Variants in SLC28A1 observed in about 807,000 individuals in gnomAD.
SLC28A1 encodes solute carrier family 28 member 1.
A neutral mutation model predicts 74.8 loss-of-function variants in SLC28A1; 64 were observed. The ratio of observed to expected loss-of-function variants is 0.86; its 90% confidence interval spans 0.70 to 1.05. SLC28A1 has a LOEUF of 1.05. Among genes scored for constraint, SLC28A1 ranks in the 50% least tolerant of loss-of-function variants. SLC28A1 has a pLI of 0.00. For missense variants in SLC28A1, 828 were observed against 822.8 expected (o/e 1.01, Z -0.08); for synonymous variants, 359 against 335.0 (o/e 1.07, Z -0.78).
At chr15:84,968,839 A>T in the SLC28A1 span, among the ~76,000 whole-genome samples, 2 of 152,212 alleles carry the variant, frequency 1.3e-5, no homozygotes, top group East Asian at 3.9e-4. Context: ...AGGTAGCCAG[A>T]GTCAGATTGT....
chr15:84,912,638 C>T (rs1168782726), intron 9 of SLC28A1, among the ~76,000 whole-genome samples: 1 of 152,078 alleles, frequency 6.6e-6, no homozygotes, highest in Non-Finnish European at 1.5e-5. Flanking sequence ...CACTATTGTT[C>T]TAGCCTCTGG....
intron 15 of SLC28A1, 107 bp downstream of exon 15, chr15:84,935,625 C>A: frequency 5.4e-6 from 5 of 932,822 alleles, no homozygotes; most frequent in East Asian, 2.4e-5. Context: ...CTGAGACACA[C>A]TGAAGTGGTG....
chr15:84,900,422 A>AAG (rs1966550651), intron 6 of SLC28A1, among the ~76,000 whole-genome samples: 1 of 122,514 alleles, frequency 8.2e-6, no homozygotes, highest in Non-Finnish European at 1.8e-5. Flanking sequence ...AAAAAAAAAA[A>AAG]AAGAAGAAGA....
chr15:84,932,332 A>G (rs969403165), intron 12 of SLC28A1, among the ~76,000 whole-genome samples: 7 of 152,198 alleles, frequency 4.6e-5, no homozygotes, highest in African/African-American at 1.7e-4. Context: ...TTCTCTGTGG[A>G]AAAGAACAGA....
In SLC28A1 at chr15:84,908,768, G is replaced by A. The variant is rs760508440; in HGVS notation, c.768G>A (p.Ala256=). Residue 256 remains alanine (A), a synonymous_variant, in exon 9 of 19, where the codon GCG becomes GCA. Coordinates refer to ENST00000394573, the MANE Select transcript of SLC28A1 (RefSeq NM_004213.5). ...GCTCCAGCTTCGTGTTTGGGGAGGC[G>A]CTGGTCAAGGATGTCTTTGCCTTTC... is the stretch of plus-strand genomic sequence containing the variant. ...KAGSSFVFGE[A]LVKDVFAFQV... is the part of the protein sequence containing the mutation. 8.1e-6 allele frequency: 13 copies of A among 1,613,908 alleles called. No homozygotes were observed. The East Asian group carries it at 8.9e-5, about 11-fold the overall frequency.
chr15:84,945,156 G>A lies in SLC28A1; in HGVS notation c.1906G>A (p.Asp636Asn). 1 of 1,614,096 alleles carries A rather than the reference G, an allele frequency of 6.2e-7. No individual in the cohort carries two copies. The highest frequency in any genetic ancestry group is 8.5e-7 in the Non-Finnish European group (1 of 1,180,006). Residue 636 changes from aspartate (D) to asparagine (N), a missense_variant, in exon 19 of 19, where the codon GAC becomes AAC. Around this residue, in one of 3 missense-constraint regions of SLC28A1, gnomAD observed 53 missense variants for 44.5 expected, o/e 1.19. Transcript: ENST00000394573. ...TCCAGAGTTCAGCCCAGAGGCCCTG[G>A]ACAACTGCTGTCGGTTTTACAACCA... Reference protein sequence around the residue: ...VNPEFSPEALDNCCRFYNHTI... With the variant: ...VNPEFSPEALNNCCRFYNHTI...
the SLC28A1 span, among the ~76,000 whole-genome samples, chr15:84,951,604 G>C: frequency 6.6e-6 from 1 of 152,024 alleles, no homozygotes; most frequent in Non-Finnish European, 1.5e-5. Context: ...AATAAGATAG[G>C]TGGCAAGAAG....
chr15:84,913,066 T>C (rs1968580478), intron 9 of SLC28A1, among the ~76,000 whole-genome samples: 1 of 152,096 alleles, frequency 6.6e-6, no homozygotes, highest in Admixed American at 6.6e-5. Context: ...GCTGAGGCCA[T>C]TCTGGGCAAA....
At chr15:84,971,448 C>G in the SLC28A1 span, among the ~76,000 whole-genome samples, 2 of 152,122 alleles carry the variant, frequency 1.3e-5, no homozygotes, top group Non-Finnish European at 2.9e-5. Context: ...CTCACAAGAG[C>G]TGGTTAAAAA....
At chr15:84,906,573 T>C (rs58181567) in intron 8 of SLC28A1, among the ~76,000 whole-genome samples, 3,436 of 97,884 alleles carry the variant, frequency 0.035, 205 homozygotes, top group African/African-American at 0.11. Context: ...TCTCTTTCTT[T>C]CTTCCTTCCT....
At chr15:84,962,293 C>T in the SLC28A1 span, among the ~76,000 whole-genome samples, 13 of 152,018 alleles carry the variant, frequency 8.6e-5, no homozygotes, top group Non-Finnish European at 1.2e-4. Context: ...AGGCTTGTCT[C>T]GAACTCCTGG....
At chr15:84,965,527 C>T in the SLC28A1 span, among the ~76,000 whole-genome samples, 1 of 152,118 alleles carries the variant, frequency 6.6e-6, no homozygotes, top group Non-Finnish European at 1.5e-5. Context: ...GATATATGGC[C>T]ACCCAGAATA....
At chr15:84,943,111 A>G (rs570290175) in intron 15 of SLC28A1, among the ~76,000 whole-genome samples, 290 of 152,272 alleles carry the variant, frequency 1.9e-3, no homozygotes, top group African/African-American at 6.4e-3. Flanking sequence ...GCTTGAACCC[A>G]GGAGGCACAG....
At chr15:84,964,474 T>C in the SLC28A1 span, among the ~76,000 whole-genome samples, 1 of 152,216 alleles carries the variant, frequency 6.6e-6, no homozygotes, top group Admixed American at 6.5e-5. Context: ...TTGGTTAGAA[T>C]GATTGACATT....
Position 84,895,113 on chromosome 15 carries a change from TG to T in SLC28A1, c.453del (p.Trp151CysfsTer6), listed in dbSNP as rs774446867. ...TCAGGGCCATCCCCGCCTGCTGCTC[TG>T]GTTTAAGAGGTGAGTGAGCTCACAG... ...KPQGHPRLLL[W>X]FKRGLALAAF... On this transcript the variant is annotated frameshift_variant, in exon 6 of 19. Transcript: ENST00000394573. LOFTEE classifies it high-confidence loss of function. The T allele has an allele frequency of 2.5e-5, 41 of 1,613,762 alleles. No homozygotes were observed. Among genetic ancestry groups the T allele is most frequent in the Non-Finnish European group, 3.4e-5 (40 of 1,179,918 alleles).
Position 84,904,084 on chromosome 15 carries a change from C to T in SLC28A1, c.462-13C>T. 1 of 1,614,162 alleles carries T rather than the reference C, an allele frequency of 6.2e-7. No homozygotes were observed. The highest frequency in any genetic ancestry group is 8.5e-7 in the Non-Finnish European group (1 of 1,180,040). ...AATGCTGAGGGTAATGGCTTTCTGT[C>T]TCTTGCCTGCAGGGGTCTAGCTCTT... On this transcript the variant is annotated splice_polypyrimidine_tract_variant and intron_variant, in intron 6 of 18. Transcript: ENST00000394573.
intron 5 of SLC28A1, among the ~76,000 whole-genome samples, chr15:84,891,644 G>A (rs1965383134): frequency 6.6e-6 from 1 of 152,154 alleles, no homozygotes; most frequent in South Asian, 2.1e-4. Flanking sequence ...TGCAAGACCC[G>A]CAGGACAAAA....
Position 84,943,464 on chromosome 15 carries a change from C to T in SLC28A1, c.1601C>T (p.Thr534Met), listed in dbSNP as rs145160651. ...TTTCAGGTCAGAGCTGAAGTCCTCA[C>T]GACGTTTGCCCTCTGTGGATTTGCC... Reference protein sequence around the residue: ...QWISVRAEVLTTFALCGFANF... With the variant: ...QWISVRAEVLMTFALCGFANF... The change falls in exon 16 of 19, where the codon ACG becomes ATG. Residue 534 changes from threonine (T) to methionine (M), a missense_variant. This residue lies in a region of SLC28A1 where 767 missense variants were observed against 753.5 expected (regional missense o/e 1.02). Transcript: ENST00000394573. 77 of 1,613,930 alleles carry T rather than the reference C, an allele frequency of 4.8e-5. No homozygotes were observed. The highest frequency in any genetic ancestry group is 1.7e-4 in the Middle Eastern group (1 of 6,028).
At chr15:84,886,823 G>A in intron 2 of SLC28A1, 36 bp downstream of exon 2, 3 of 951,680 alleles carry the variant, frequency 3.2e-6, no homozygotes, top group Non-Finnish European at 3.8e-6. Flanking sequence ...TGTGTGCGCT[G>A]CTGTGCGTCT....
Sources: allele counts gnomAD v4.1 joint callset (sites outside exome capture counted in the v4.1 genomes callset), GRCh38; gene constraint gnomAD v4.1.1; regional missense constraint gnomAD v4.1.1; transcripts MANE v1.5; gene names NCBI Gene and HGNC (gene_info 2026-07-23, HGNC 2026-07-21).